The following TCAIM variants were observed in gnomAD, a reference collection of about 807,000 sequenced individuals.
TCAIM encodes the protein T cell activation inhibitor, mitochondrial, also known as T-cell activation inhibitor, mitochondrial.
TCAIM carries 36 observed loss-of-function variants against 58.6 expected under a neutral mutation model. That is an observed-to-expected ratio of 0.61 (90% confidence interval 0.47 to 0.81). The LOEUF (loss-of-function observed/expected upper bound fraction) is 0.81, where lower values mean the gene tolerates loss of function less well. Ranked by LOEUF, TCAIM falls within the 30% of genes least tolerant of loss-of-function variation. The pLI, the probability that TCAIM is intolerant of heterozygous loss-of-function variation, is 0.00. For synonymous variants in TCAIM, 172 were observed against 193.6 expected, an observed-to-expected ratio of 0.89 and a Z score of 0.93; for missense variants, 466 against 579.6, an observed-to-expected ratio of 0.80 and a Z score of 2.01.
chr3:44,397,911 A>C (rs1701959425), intron 8 of TCAIM, among the ~76,000 whole-genome samples: 1 of 152,156 alleles, frequency 6.6e-6, no homozygotes, highest in African/African-American at 2.4e-5. Flanking sequence ...CGTATATCTG[A>C]CAAAGACATT....
intron 5 of TCAIM, among the ~76,000 whole-genome samples, chr3:44,371,889 T>G (rs1335549591): frequency 6.6e-6 from 1 of 152,176 alleles, no homozygotes; most frequent in African/African-American, 2.4e-5. Context: ...AATGTGTGTT[T>G]GAACTGTGCA....
At position 44,400,384 on chromosome 3, in the gene TCAIM, C is replaced by T. The variant is rs1315236728; in HGVS notation, c.915C>T (p.Asp305=). 5 of 1,613,454 alleles carry T rather than the reference C, an allele frequency of 3.1e-6. No individual in the cohort carries two copies. In the South Asian group the frequency reaches 4.4e-5, roughly 14 times the overall value. ...TTGAAAGATTGCCAAGTTATTTTGA[C>T]CTTCAGAGGAGGCTGATGATTTTAG... is the stretch of plus-strand genomic sequence containing the variant. The part of the protein sequence containing the change: ...KLFERLPSYF[D]LQRRLMILED... Residue 305 remains aspartate, a synonymous_variant, in exon 9 of 11, where the codon GAC becomes GAT. Coordinates refer to ENST00000342649, the MANE Select transcript of TCAIM (RefSeq NM_173826.4).
intron 3 of TCAIM, 57 bp downstream of exon 3, chr3:44,357,933 A>G: frequency 6.4e-7 from 1 of 1,561,532 alleles, no homozygotes; most frequent in Non-Finnish European, 8.7e-7. Context: ...TTTACCTTTG[A>G]TACAATATAA....
At chr3:44,372,008 GAGAAGGAA>G (rs1426424203) in intron 5 of TCAIM, among the ~76,000 whole-genome samples, 10 of 130,532 alleles carry the variant, frequency 7.7e-5, no homozygotes, top group Non-Finnish European at 1.3e-4. Context: ...GAGAGAAAGA[GAGAAGGAA>G]GGAAGGAAGG....
intron 5 of TCAIM, 76 bp from the exon 6 acceptor site, chr3:44,392,761 ATTGTGAATATGCAAGTGC>A: frequency 8.3e-7 from 1 of 1,206,886 alleles, no homozygotes; most frequent in Non-Finnish European, 1.1e-6. Context: ...AGTCTTTGCT[ATTGTGAATATGCAAGTGC>A]ATGCATGTGT....
chr3:44,380,766 A>G (rs1701643791), intron 5 of TCAIM, among the ~76,000 whole-genome samples: 1 of 152,136 alleles, frequency 6.6e-6, no homozygotes, highest in African/African-American at 2.4e-5. Flanking sequence ...CTTTAGCTAG[A>G]TGGACTAAGA....
At chr3:44,384,462 C>G (rs1701702529) in intron 5 of TCAIM, among the ~76,000 whole-genome samples, 1 of 152,118 alleles carries the variant, frequency 6.6e-6, no homozygotes, top group Non-Finnish European at 1.5e-5. Flanking sequence ...TCATCTTTCC[C>G]TCATGGGGGT....
chr3:44,346,739 T>A (rs1190384499), intron 1 of TCAIM, among the ~76,000 whole-genome samples: 4 of 152,184 alleles, frequency 2.6e-5, no homozygotes, highest in African/African-American at 9.7e-5. Flanking sequence ...AGCTGCCGCG[T>A]GCAGACATGA....
At chr3:44,398,147 C>A (rs777564084) in intron 8 of TCAIM, among the ~76,000 whole-genome samples, 1 of 152,018 alleles carries the variant, frequency 6.6e-6, no homozygotes, top group Non-Finnish European at 1.5e-5. Flanking sequence ...GTTTATTGGC[C>A]GGGCACTGTG....
intron 2 of TCAIM, 58 bp from the exon 3 acceptor site, chr3:44,357,683 G>C (rs1362919158): frequency 6.3e-7 from 1 of 1,595,862 alleles, no homozygotes; most frequent in African/African-American, 1.3e-5. Flanking sequence ...CTTATACATT[G>C]AGGATTTGTG....
intron 1 of TCAIM, among the ~76,000 whole-genome samples, chr3:44,344,640 C>T (rs1269064619): frequency 6.6e-6 from 1 of 151,990 alleles, no homozygotes. Flanking sequence ...TTTATAAGGG[C>T]ACTAATGACC....
chr3:44,370,733 T>C (rs911299892), intron 5 of TCAIM, among the ~76,000 whole-genome samples: 4 of 141,158 alleles, frequency 2.8e-5, no homozygotes, highest in Non-Finnish European at 6.0e-5. Flanking sequence ...TTTTTTAATT[T>C]CTTTCTTTCT....
chr3:44,396,116 C>G (rs886276974), intron 6 of TCAIM, among the ~76,000 whole-genome samples: 5 of 152,236 alleles, frequency 3.3e-5, no homozygotes, highest in Non-Finnish European at 5.9e-5. Flanking sequence ...CCCATTTCAT[C>G]ATCTTATTTT....
At chr3:44,380,743 C>A (rs1701643504) in intron 5 of TCAIM, among the ~76,000 whole-genome samples, 2 of 151,944 alleles carry the variant, frequency 1.3e-5, no homozygotes, top group Non-Finnish European at 2.9e-5. Flanking sequence ...TTGAAAAGAT[C>A]AACAAAATTG....
intron 5 of TCAIM, among the ~76,000 whole-genome samples, chr3:44,389,031 C>A (rs1350703404): frequency 6.6e-6 from 1 of 152,210 alleles, no homozygotes; most frequent in Non-Finnish European, 1.5e-5. Flanking sequence ...GTGGCTTACG[C>A]CTGTAATCCC....
intron 2 of TCAIM, among the ~76,000 whole-genome samples, chr3:44,356,779 A>G (rs556599563): frequency 1.1e-4 from 16 of 151,058 alleles, no homozygotes; most frequent in African/African-American, 3.7e-4. Context: ...CAGCCTGACC[A>G]ACATGGTGAG....
intron 1 of TCAIM, among the ~76,000 whole-genome samples, chr3:44,346,895 A>G (rs1341893859): frequency 2.6e-5 from 4 of 152,170 alleles, no homozygotes; most frequent in Non-Finnish European, 5.9e-5. Flanking sequence ...AGGGAGAGCT[A>G]GTATGGGAGC....
intron 1 of TCAIM, among the ~76,000 whole-genome samples, chr3:44,342,313 A>C (rs1425050190): frequency 6.6e-6 from 1 of 152,192 alleles, no homozygotes; most frequent in African/African-American, 2.4e-5. Context: ...CTGTAATGCC[A>C]TTCTTGCATT....
chr3:44,366,396 T>G (rs1374195347), intron 4 of TCAIM, among the ~76,000 whole-genome samples: 1 of 150,684 alleles, frequency 6.6e-6, no homozygotes, highest in Non-Finnish European at 1.5e-5. Flanking sequence ...CAAGCAATTC[T>G]CCTGCCTCAG....
Sources: gnomAD v4.1 joint callset for allele counts (sites outside exome capture counted in the v4.1 genomes callset) on GRCh38, gnomAD v4.1.1 for gene constraint, MANE v1.5 for transcripts, NCBI Gene and HGNC (gene_info 2026-07-23, HGNC 2026-07-21) for gene names.